Variants in MYO1D observed in about 807,000 individuals in gnomAD.
The protein encoded by MYO1D is unconventional myosin-Id.
MYO1D carries 83 observed loss-of-function variants against 122.0 expected under a neutral mutation model. The ratio of observed to expected loss-of-function variants is 0.68; its 90% CI spans 0.57 to 0.82. MYO1D has a LOEUF of 0.82. MYO1D is among the 40% of genes least tolerant of loss of function. The pLI, the probability that MYO1D is intolerant of heterozygous loss-of-function variation, is 0.00. For missense variants in MYO1D, 1,157 were observed against 1,269.5 expected, an observed-to-expected ratio of 0.91 and a Z score of 1.35; for synonymous variants, 464 against 446.9, an observed-to-expected ratio of 1.04 and a Z score of -0.48.
intron 21 of MYO1D, among the ~76,000 whole-genome samples, chr17:32,600,681 T>C (rs1597922053): frequency 6.6e-6 from 1 of 152,244 alleles, no homozygotes; most frequent in African/African-American, 2.4e-5. Flanking sequence ...GTTTAGGGCC[T>C]TGCTCTGCAT....
At chr17:32,810,757 G>A (rs771695132) in intron 1 of MYO1D, among the ~76,000 whole-genome samples, 2 of 152,176 alleles carry the variant, frequency 1.3e-5, no homozygotes, top group East Asian at 1.9e-4. Flanking sequence ...GATTACAGGC[G>A]TGAGAAATCT....
chr17:32,731,456 A>T (rs1426560526), intron 14 of MYO1D, among the ~76,000 whole-genome samples: 1 of 151,790 alleles, frequency 6.6e-6, no homozygotes, highest in Non-Finnish European at 1.5e-5. Context: ...TCTCTTTCTG[A>T]TCATTTCTGT....
intron 13 of MYO1D, among the ~76,000 whole-genome samples, chr17:32,743,418 A>T (rs1451790136): frequency 6.6e-6 from 1 of 152,096 alleles, no homozygotes; most frequent in Admixed American, 6.5e-5. Context: ...TCCCTGAACC[A>T]ATTAGCGTTT....
chr17:32,751,192 C>T (rs1323507801), intron 11 of MYO1D, among the ~76,000 whole-genome samples: 3 of 151,850 alleles, frequency 2.0e-5, no homozygotes, highest in Non-Finnish European at 4.4e-5. Context: ...AACTTTAATA[C>T]GGAAGAAGCA....
intron 1 of MYO1D, among the ~76,000 whole-genome samples, chr17:32,794,921 C>T (rs534672281): frequency 1.3e-5 from 2 of 152,156 alleles, no homozygotes; most frequent in South Asian, 4.1e-4. Flanking sequence ...ACGCTGGTCT[C>T]AGGAAGGAAT....
chr17:32,572,241 AC>A (rs1469149763), intron 21 of MYO1D, among the ~76,000 whole-genome samples: 1 of 150,910 alleles, frequency 6.6e-6, no homozygotes, highest in Non-Finnish European at 1.5e-5. Context: ...CCCCTCGCCC[AC>A]CTCCCACCAG....
intron 16 of MYO1D, among the ~76,000 whole-genome samples, chr17:32,690,209 G>C (rs541321238): frequency 6.7e-6 from 1 of 148,376 alleles, no homozygotes; most frequent in African/African-American, 2.5e-5. Context: ...TTGAGATGGA[G>C]TCTTGCTCTG....
chr17:32,566,232 G>A (rs2087172598), intron 21 of MYO1D, among the ~76,000 whole-genome samples: 1 of 152,134 alleles, frequency 6.6e-6, no homozygotes, highest in African/African-American at 2.4e-5. Flanking sequence ...CAACTGTGGT[G>A]TTATGAAGGA....
At chr17:32,862,382 G>A (rs369908367) in intron 1 of MYO1D, among the ~76,000 whole-genome samples, 20 of 152,308 alleles carry the variant, frequency 1.3e-4, no homozygotes, top group Admixed American at 1.2e-3. Flanking sequence ...TAAAGACAAC[G>A]TGGCTGCCAC....
rs532335627 is a variant in MYO1D at position 32,584,773 on chromosome 17, T to A, written c.2864+20314A>T. Among the ~76,000 whole-genome samples, 5 of 152,316 alleles carry A rather than the reference T, an allele frequency of 3.3e-5. No individual in the cohort carries two copies. The South Asian group carries it at 1.0e-3, about 32-fold the overall frequency. ...GTGCTGGAATTACAGGCATGAGCCA[T>A]AGCACCTGGCCCAGAACTTTTTCAT... is the stretch of plus-strand genomic sequence containing the variant. On this transcript the variant is annotated intron_variant, in intron 21 of 21. Coordinates refer to ENST00000318217, the MANE Select transcript of MYO1D (RefSeq NM_015194.3).
chr17:32,660,081 G>A (rs1310829164), intron 16 of MYO1D, among the ~76,000 whole-genome samples: 1 of 151,854 alleles, frequency 6.6e-6, no homozygotes, highest in Non-Finnish European at 1.5e-5. Context: ...TTAATCACTG[G>A]CTCTTCCCCT....
chr17:32,722,931 C>A (rs770434235), intron 14 of MYO1D, among the ~76,000 whole-genome samples: 17 of 152,060 alleles, frequency 1.1e-4, no homozygotes, highest in Non-Finnish European at 2.1e-4. Flanking sequence ...TGTGCTGGAA[C>A]TTACAGCTGC....
At chr17:32,785,180 G>T (rs1021342875) in intron 1 of MYO1D, among the ~76,000 whole-genome samples, 1 of 152,128 alleles carries the variant, frequency 6.6e-6, no homozygotes, top group African/African-American at 2.4e-5. Flanking sequence ...AAGAGAAAAA[G>T]GAATTTATTT....
chr17:32,792,513 T>C (rs556697452), intron 1 of MYO1D: 1 of 152,386 alleles, frequency 6.6e-6, no homozygotes, highest in Non-Finnish European at 1.5e-5. Flanking sequence ...AGCATCTTGT[T>C]TCTGCTTCTC....
chr17:32,830,409 C>T (rs919879482), intron 1 of MYO1D: 1 of 152,034 alleles, frequency 6.6e-6, no homozygotes, highest in Non-Finnish European at 1.5e-5. Flanking sequence ...GCATAGTACC[C>T]CCAGGAGCTA....
At chr17:32,843,100 G>C (rs2090899509) in intron 1 of MYO1D, among the ~76,000 whole-genome samples, 1 of 151,974 alleles carries the variant, frequency 6.6e-6, no homozygotes, top group African/African-American at 2.4e-5. Context: ...ATATTGGTCA[G>C]GCTGGTCTCG....
intron 1 of MYO1D, among the ~76,000 whole-genome samples, chr17:32,809,099 C>T (rs2090546285): frequency 6.6e-6 from 1 of 151,448 alleles, no homozygotes; most frequent in Non-Finnish European, 1.5e-5. Flanking sequence ...CCCACACCCC[C>T]TCCTAGGGCT....
intron 17 of MYO1D, among the ~76,000 whole-genome samples, chr17:32,657,982 A>G (rs922969793): frequency 7.9e-5 from 12 of 152,232 alleles, no homozygotes; most frequent in African/African-American, 2.9e-4. Context: ...TTATCTGTGT[A>G]AAAAAGGGGA....
intron 21 of MYO1D, among the ~76,000 whole-genome samples, chr17:32,584,268 A>G (rs569410800): frequency 3.0e-4 from 45 of 152,246 alleles, no homozygotes; most frequent in African/African-American, 1.0e-3. Flanking sequence ...TACATGATAC[A>G]TTTGTTTCCC....
Sources: gnomAD v4.1 joint callset for allele counts (sites outside exome capture counted in the v4.1 genomes callset) on GRCh38, gnomAD v4.1.1 for gene constraint, MANE v1.5 for transcripts, NCBI Gene and HGNC (gene_info 2026-07-23, HGNC 2026-07-21) for gene names.